The following ZZEF1 variants were observed in gnomAD, a reference collection of about 807,000 sequenced individuals.
ZZEF1 encodes zinc finger ZZ-type and EF-hand domain-containing protein 1.
ZZEF1 carries 157 observed loss-of-function variants against 342.8 expected under a neutral mutation model. The observed-to-expected ratio is 0.46, with a 90% CI of 0.40 to 0.52. The LOEUF (loss-of-function observed/expected upper bound fraction) is 0.52, where lower values mean the gene tolerates loss of function less well. ZZEF1 is among the 20% of genes least tolerant of loss of function. ZZEF1 has a pLI of 0.00. For synonymous variants in ZZEF1, 1,505 were observed against 1,429.1 expected, an observed-to-expected ratio of 1.05 and a Z score of -1.20; for missense variants, 3,480 against 3,725.6, an observed-to-expected ratio of 0.93 and a Z score of 1.72.
chr17:4,007,174 T>A (rs2055821569), intron 54 of ZZEF1, among the ~76,000 whole-genome samples: 1 of 152,176 alleles, frequency 6.6e-6, no homozygotes, highest in Non-Finnish European at 1.5e-5. Context: ...TAGGTAGGAA[T>A]CATCACTGCC....
chr17:4,096,812 A>G (rs767915032), intron 9 of ZZEF1, 112 bp from the exon 10 acceptor site: 2 of 809,934 alleles, frequency 2.5e-6, no homozygotes, highest in East Asian at 2.5e-5. Context: ...AACTGGTCTG[A>G]TATCTTCACG....
intron 1 of ZZEF1, among the ~76,000 whole-genome samples, chr17:4,125,123 A>G (rs2058553409): frequency 6.6e-6 from 1 of 151,644 alleles, no homozygotes; most frequent in African/African-American, 2.4e-5. Context: ...GGTGTCCCTG[A>G]CCCCCTTCCC....
intron 5 of ZZEF1, 100 bp downstream of exon 5, chr17:4,112,509 A>G: frequency 8.2e-7 from 1 of 1,214,478 alleles, no homozygotes; most frequent in South Asian, 1.3e-5. Flanking sequence ...GTACGTCCTA[A>G]GAAGCAAACC....
chr17:4,019,296 C>A (rs1199800032), intron 46 of ZZEF1, among the ~76,000 whole-genome samples: 1 of 152,064 alleles, frequency 6.6e-6, no homozygotes, highest in Non-Finnish European at 1.5e-5. Context: ...AACTTCCTGG[C>A]CAAGAGAAAG....
At chr17:4,051,696 G>A (rs1488721440) in intron 35 of ZZEF1, among the ~76,000 whole-genome samples, 2 of 150,942 alleles carry the variant, frequency 1.3e-5, no homozygotes, top group African/African-American at 2.4e-5. Flanking sequence ...GATTACAGGC[G>A]TGAGCCACCG....
At chr17:4,136,220 T>C (rs1481288477) in intron 1 of ZZEF1, among the ~76,000 whole-genome samples, 1 of 150,810 alleles carries the variant, frequency 6.6e-6, no homozygotes, top group African/African-American at 2.4e-5. Context: ...GGCAGGTGCC[T>C]GTAATCCCAG....
chr17:4,082,530 T>C (rs1567824839), intron 16 of ZZEF1, 26 bp from the exon 17 acceptor site: 6 of 1,610,348 alleles, frequency 3.7e-6, no homozygotes, highest in Admixed American at 3.3e-5. Context: ...AAATTGTATA[T>C]TCAGAAAATC....
chr17:4,042,429 C>G lies in ZZEF1; in HGVS notation c.6306G>C (p.Ser2102=). 1.2e-6 allele frequency: 2 copies of G among 1,608,818 alleles called. No homozygotes were observed. Among genetic ancestry groups the G allele is most frequent in the Non-Finnish European group, 1.7e-6 (2 of 1,178,450 alleles). ...ACTTTTAAAAATAAATTGCCCTTAC[C>G]GACTTTAAGGGAGGTAACATGGCTG... ...LLAAMLPPLK[S]GPTVPLIDLE... The change falls in exon 39 of 55, where the codon TCG becomes TCC. Residue 2102 remains serine (S), a splice_region_variant and synonymous_variant. Transcript: ENST00000381638.
rs373039315 is a variant in ZZEF1, at chr17:4,064,679, T to C, written c.4400A>G (p.Glu1467Gly). 2.4e-5 allele frequency: 39 copies of C among 1,614,078 alleles called. No homozygotes were observed. The highest frequency in any genetic ancestry group is 3.2e-5 in the Non-Finnish European group (38 of 1,180,044). Reference sequence around the variant, plus strand: ...AGATACTGAGGCTTGGAAATGCTCTTCCACCACAGAGCTTGTCCTCTGACG... The same window carrying C: ...AGATACTGAGGCTTGGAAATGCTCTCCCACCACAGAGCTTGTCCTCTGACG... ...NKRQRTSSVVEEHFQASVSPT... is the reference protein window; with the variant it reads ...NKRQRTSSVVGEHFQASVSPT... The change falls in exon 29 of 55, where the codon GAA (glutamate) becomes GGA (glycine). Residue 1467 changes from glutamate (E) to glycine (G), a missense_variant. Glu to Gly is a moderately conservative substitution (Grantham distance 98). Around this residue, in one of 5 missense-constraint regions of ZZEF1, gnomAD observed 1,528 missense variants for 1,624.1 expected, o/e 0.94. Coordinates refer to ENST00000381638, the MANE Select transcript of ZZEF1 (RefSeq NM_015113.4).
rs1263220056 is a variant in ZZEF1 at position 4,009,660 on chromosome 17, G to A, written c.8677C>T (p.Leu2893Phe). Residue 2893 changes from leucine to phenylalanine, a missense_variant, in exon 53 of 55, where the codon CTT becomes TTT. Leu to Phe is a conservative substitution (Grantham distance 22). This residue lies in a region of ZZEF1 where 1,269 missense variants were observed against 1,342.4 expected (regional missense o/e 0.95). Coordinates refer to ENST00000381638, the MANE Select transcript of ZZEF1 (RefSeq NM_015113.4). ...FEDVTQPGIL[L>F]PLHRALTELF... is the part of the protein sequence containing the mutation. ...TCAGTGAGGGCACGATGCAGGGGAAGGAGGATGCCGGGCTGCGTCACGTCC... is the reference window on the plus strand; with the variant it reads ...TCAGTGAGGGCACGATGCAGGGGAAAGAGGATGCCGGGCTGCGTCACGTCC... 4 of 1,614,116 alleles carry A rather than the reference G, an allele frequency of 2.5e-6. No individual in the cohort carries two copies. The Admixed American group carries it at 6.7e-5, about 27-fold the overall frequency.
chr17:4,120,217 C>T (rs1351311916), intron 2 of ZZEF1, among the ~76,000 whole-genome samples: 1 of 151,972 alleles, frequency 6.6e-6, no homozygotes, highest in Non-Finnish European at 1.5e-5. Context: ...ATTATCTGGG[C>T]GCGGTGGCGG....
At chr17:4,077,091 G>A (rs1272438969) in intron 19 of ZZEF1, 102 bp from the exon 20 acceptor site, 8 of 1,200,208 alleles carry the variant, frequency 6.7e-6, no homozygotes, top group Non-Finnish European at 8.8e-6. Context: ...AGCTGCAGAG[G>A]GGGTTCCACA....
At chr17:4,012,291 A>G (rs2055982834) in intron 52 of ZZEF1, among the ~76,000 whole-genome samples, 2 of 152,206 alleles carry the variant, frequency 1.3e-5, no homozygotes, top group African/African-American at 4.8e-5. Flanking sequence ...AACAGCAAGC[A>G]TGCCCAGCTC....
At chr17:4,088,411 G>A (rs1469838762) in intron 13 of ZZEF1, among the ~76,000 whole-genome samples, 1 of 152,110 alleles carries the variant, frequency 6.6e-6, no homozygotes, top group African/African-American at 2.4e-5. Context: ...CACGGCCAGG[G>A]CTCTTGAAGA....
intron 8 of ZZEF1, among the ~76,000 whole-genome samples, chr17:4,102,989 C>T (rs1949819035): frequency 6.6e-6 from 1 of 151,990 alleles, no homozygotes; most frequent in African/African-American, 2.4e-5. Context: ...ACCTGTTCAC[C>T]TATGATATGA....
intron 1 of ZZEF1, among the ~76,000 whole-genome samples, chr17:4,127,298 A>C (rs1020786503): frequency 2.0e-4 from 30 of 152,302 alleles, no homozygotes; most frequent in Non-Finnish European, 3.8e-4. Context: ...TACGATGCCC[A>C]GCTCTAAATG....
At position 4,112,646 on chromosome 17, in the gene ZZEF1, A is replaced by G; in HGVS notation, c.1029T>C (p.Tyr343=). ...DVHIPSNVTG[Y]VTLLENANVS... is the part of the protein sequence containing the mutation. ...CGTTGGCATTTTCCAGCAGCGTCAC[A>G]TAGCCAGTGACATTGCTGGGGATGT... Residue 343 remains tyrosine (Y), a synonymous_variant, in exon 5 of 55, where the codon TAT becomes TAC. Transcript: ENST00000381638. The G allele has an allele frequency of 6.2e-7, 1 of 1,614,212 alleles. No individual in the cohort carries two copies. The highest frequency in any genetic ancestry group is 8.5e-7 in the Non-Finnish European group (1 of 1,180,042).
At chr17:4,062,985 C>A in intron 29 of ZZEF1, 68 bp from the exon 30 acceptor site, 1 of 1,506,670 alleles carries the variant, frequency 6.6e-7, no homozygotes. Flanking sequence ...AAAATATCCC[C>A]GCCAAAGCCC....
At position 4,032,102 on chromosome 17, in the gene ZZEF1, G is replaced by GA. The variant is rs766502041; in HGVS notation, c.6892+23dup. The GA allele has an allele frequency of 3.1e-6, 5 of 1,600,200 alleles. No individual in the cohort carries two copies. In the African/African-American group the frequency reaches 4.1e-5, roughly 13 times the overall value. Reference sequence around the variant, plus strand: ...ATTAGGCATTTTTCTTCCATTCTTAGAAAAAAATAATTACGCATGGTACCT... The same window carrying GA: ...ATTAGGCATTTTTCTTCCATTCTTAGAAAAAAAATAATTACGCATGGTACCT... On this transcript the variant is annotated intron_variant, in intron 42 of 54. Transcript: ENST00000381638.
Sources: gnomAD v4.1 joint callset for allele counts (sites outside exome capture counted in the v4.1 genomes callset) on GRCh38, gnomAD v4.1.1 for gene constraint, gnomAD v4.1.1 regional missense constraint, MANE v1.5 for transcripts, NCBI Gene and HGNC (gene_info 2026-07-23, HGNC 2026-07-21) for gene names.